Variants in PRDM5 observed in about 807,000 individuals in gnomAD.
PRDM5 encodes the protein PR domain zinc finger protein 5.
PRDM5 carries 56 observed loss-of-function variants against 81.2 expected under a neutral mutation model. That is an observed-to-expected ratio of 0.69 (90% confidence interval 0.56 to 0.86). The LOEUF is 0.86. Among genes scored for constraint, PRDM5 ranks in the 40% least tolerant of loss-of-function variants. The pLI is 0.00. For synonymous variants in PRDM5, 267 were observed against 256.4 expected, an observed-to-expected ratio of 1.04 and a Z score of -0.39; for missense variants, 697 against 770.1, an observed-to-expected ratio of 0.91 and a Z score of 1.12.
chr4:120,813,517 T>C (rs1282584335), intron 7 of PRDM5, among the ~76,000 whole-genome samples: 1 of 152,234 alleles, frequency 6.6e-6, no homozygotes, highest in Non-Finnish European at 1.5e-5. Context: ...TACTTTCAAA[T>C]GGCAAATATG....
intron 1 of PRDM5, among the ~76,000 whole-genome samples, chr4:120,917,278 T>C (rs28478868): frequency 1.2e-3 from 180 of 152,276 alleles, no homozygotes; most frequent in African/African-American, 4.2e-3. Context: ...CGTAGATATA[T>C]GTTTGGCTAA....
At chr4:120,766,219 A>G (rs1746369670) in intron 13 of PRDM5, among the ~76,000 whole-genome samples, 1 of 152,146 alleles carries the variant, frequency 6.6e-6, no homozygotes, top group African/African-American at 2.4e-5. Context: ...TCGGCCTCCC[A>G]AAGTGCTGGG....
At chr4:120,759,255 T>G (rs568537356) in intron 13 of PRDM5, among the ~76,000 whole-genome samples, 3 of 152,254 alleles carry the variant, frequency 2.0e-5, no homozygotes, top group Admixed American at 1.3e-4. Flanking sequence ...TATCCTAGAA[T>G]GTACTCCAGC....
chr4:120,833,320 C>T (rs558950196), intron 3 of PRDM5, among the ~76,000 whole-genome samples: 13 of 152,182 alleles, frequency 8.5e-5, no homozygotes, highest in South Asian at 4.2e-4. Context: ...GTAGATGTTA[C>T]CCATTCATTA....
Position 120,855,183 on chromosome 4 carries a change from T to A in PRDM5, c.178-1643A>T, listed in dbSNP as rs149586512. The stretch of plus-strand genomic sequence containing the variant: ...ATAATACCCAGGAAAGAATACAGTC[T>A]GCCTGTTCCTTATATGTGACATACT... On this transcript the variant is annotated intron_variant, in intron 2 of 15. Transcript: ENST00000264808. Among the ~76,000 whole-genome samples the A allele has an allele frequency of 3.0e-4, 46 of 152,328 alleles. No individual in the cohort carries two copies. The East Asian group carries it at 5.8e-3, about 19-fold the overall frequency.
intron 14 of PRDM5, among the ~76,000 whole-genome samples, chr4:120,749,613 C>T (rs888650933): frequency 2.0e-5 from 3 of 152,208 alleles, no homozygotes; most frequent in African/African-American, 7.2e-5. Context: ...CAAAAGCCTT[C>T]TGCCTCTGAG....
intron 3 of PRDM5, among the ~76,000 whole-genome samples, chr4:120,829,510 T>A (rs1051735151): frequency 2.0e-5 from 3 of 152,122 alleles, no homozygotes; most frequent in African/African-American, 7.2e-5. Flanking sequence ...AGTTCTGCTA[T>A]TTCAAAACAG....
chr4:120,825,402 T>C (rs948530634), intron 3 of PRDM5, among the ~76,000 whole-genome samples: 1 of 152,190 alleles, frequency 6.6e-6, no homozygotes, highest in African/African-American at 2.4e-5. Context: ...CGTGCTGCTT[T>C]GATTACAATT....
At chr4:120,783,493 T>G (rs981379733) in intron 11 of PRDM5, among the ~76,000 whole-genome samples, 1 of 152,098 alleles carries the variant, frequency 6.6e-6, no homozygotes, top group Non-Finnish European at 1.5e-5. Flanking sequence ...CTTGCTGTTA[T>G]TAGAAATAAA....
chr4:120,746,252 C>G (rs953563800), intron 14 of PRDM5, among the ~76,000 whole-genome samples: 1 of 135,286 alleles, frequency 7.4e-6, no homozygotes, highest in African/African-American at 2.8e-5. Flanking sequence ...GAAACTGGAT[C>G]CCTTCCTTAC....
At chr4:120,850,759 G>A (rs986424491) in intron 3 of PRDM5, among the ~76,000 whole-genome samples, 1 of 152,010 alleles carries the variant, frequency 6.6e-6, no homozygotes, top group African/African-American at 2.4e-5. Flanking sequence ...ATAATTTCTT[G>A]GAGTACCTGT....
intron 15 of PRDM5, among the ~76,000 whole-genome samples, chr4:120,695,964 T>C (rs750337244): frequency 6.6e-6 from 1 of 151,874 alleles, no homozygotes; most frequent in Non-Finnish European, 1.5e-5. Context: ...CCATGAAAAA[T>C]ATAATGAGAG....
rs377136755 is a variant in PRDM5 at position 120,713,771 on chromosome 4, G to A, written c.1624-3358C>T. Among the ~76,000 whole-genome samples the A allele has an allele frequency of 1.6e-4, 24 of 152,152 alleles. No homozygotes were observed. The East Asian group carries it at 4.4e-3, about 28-fold the overall frequency. ...CTTGTCTTAGTCATTTTGAGCTGCC[G>A]TAATAAAATACCATACACTGGGTCA... On this transcript the variant is annotated intron_variant, in intron 14 of 15. Transcript: ENST00000264808.
intron 10 of PRDM5, among the ~76,000 whole-genome samples, chr4:120,795,943 T>A (rs1751286339): frequency 6.6e-6 from 1 of 152,080 alleles, no homozygotes; most frequent in Non-Finnish European, 1.5e-5. Context: ...GTATATGCTA[T>A]CATAATCACA....
At position 120,816,849 on chromosome 4, in the gene PRDM5, G is replaced by A. The variant is rs372141288; in HGVS notation, c.726C>T (p.Ser242=). The change falls in exon 6 of 16, where the codon TCC becomes TCT. Residue 242 remains serine, a synonymous_variant. Transcript: ENST00000264808. The part of the protein sequence containing the change: ...RSFQCSVCNS[S]FSSASSFEQH... ...CACAAAACCTCGATGCTGAACTGAA[G>A]GAAGAATTGCAAACAGAGCACTGAA... 6.9e-5 allele frequency: 111 copies of A among 1,613,830 alleles called. 1 individual carries two copies. In the South Asian group the frequency reaches 7.1e-4, roughly 10 times the overall value.
chr4:120,859,894 G>A (rs555563287), intron 2 of PRDM5, among the ~76,000 whole-genome samples: 63 of 152,176 alleles, frequency 4.1e-4, no homozygotes, highest in South Asian at 8.3e-4. Context: ...ATTACTGTCC[G>A]GGTTATCCTC....
At chr4:120,914,190 C>CAA (rs200086181) in intron 1 of PRDM5, among the ~76,000 whole-genome samples, 1 of 128,512 alleles carries the variant, frequency 7.8e-6, no homozygotes. Context: ...ATACAGCACT[C>CAA]AAAAAAAAAA....
intron 13 of PRDM5, among the ~76,000 whole-genome samples, chr4:120,775,671 T>C (rs991648117): frequency 6.6e-6 from 1 of 152,204 alleles, no homozygotes; most frequent in Non-Finnish European, 1.5e-5. Flanking sequence ...CTTGCCCTCC[T>C]CTCATACACA....
chr4:120,833,076 AAACAGGCTGAAT>A (rs1404333093), intron 3 of PRDM5, among the ~76,000 whole-genome samples: 4 of 152,176 alleles, frequency 2.6e-5, no homozygotes, highest in Non-Finnish European at 5.9e-5. Flanking sequence ...GAAACAGAAA[AAACAGGCTGAAT>A]AACAGTACAG....
Sources: gnomAD v4.1 joint callset for allele counts (sites outside exome capture counted in the v4.1 genomes callset) on GRCh38, gnomAD v4.1.1 for gene constraint, MANE v1.5 for transcripts, NCBI Gene and HGNC (gene_info 2026-07-23, HGNC 2026-07-21) for gene names.